KCTD16: variants seen among roughly 807,000 people sequenced by gnomAD.
KCTD16 encodes BTB/POZ domain-containing protein KCTD16.
A neutral mutation model predicts 33.2 loss-of-function variants in KCTD16; 13 were observed. The ratio of observed to expected loss-of-function variants is 0.39; its 90% CI spans 0.25 to 0.62. The LOEUF (loss-of-function observed/expected upper bound fraction) is 0.62, where lower values mean the gene tolerates loss of function less well. Ranked by LOEUF, KCTD16 falls within the 20% of genes least tolerant of loss-of-function variation. KCTD16 has a pLI of 0.50. For missense variants in KCTD16, 441 were observed against 525.1 expected (o/e 0.84, Z 1.57); for synonymous variants, 197 against 195.3 (o/e 1.01, Z -0.07).
intron 3 of KCTD16, among the ~76,000 whole-genome samples, chr5:144,211,713 C>T (rs1753398803): frequency 6.6e-6 from 1 of 152,082 alleles, no homozygotes; most frequent in Non-Finnish European, 1.5e-5. Flanking sequence ...GTAATAATTT[C>T]AATTTTTATT....
chr5:144,246,009 T>C (rs951315373), intron 3 of KCTD16, among the ~76,000 whole-genome samples: 3 of 152,158 alleles, frequency 2.0e-5, no homozygotes, highest in African/African-American at 7.2e-5. Context: ...ACAGGGCTTT[T>C]TGGGCTATGG....
At chr5:144,338,845 C>T (rs1210353090) in intron 3 of KCTD16, among the ~76,000 whole-genome samples, 1 of 152,100 alleles carries the variant, frequency 6.6e-6, no homozygotes, top group Non-Finnish European at 1.5e-5. Context: ...AGATTCATTG[C>T]AGTTATTCAG....
chr5:144,453,767 AG>A, intron 3 of KCTD16, among the ~76,000 whole-genome samples: 1 of 152,252 alleles, frequency 6.6e-6, no homozygotes, highest in Admixed American at 6.5e-5. Context: ...GACATAGAAG[AG>A]GGCTGCCTCC....
At chr5:144,374,123 A>G (rs1300428026) in intron 3 of KCTD16, among the ~76,000 whole-genome samples, 2 of 152,226 alleles carry the variant, frequency 1.3e-5, no homozygotes, top group Admixed American at 1.3e-4. Flanking sequence ...CTCTTTTGCT[A>G]TGTAAGGCAA....
intron 3 of KCTD16, among the ~76,000 whole-genome samples, chr5:144,455,262 C>A (rs555537673): frequency 4.6e-5 from 7 of 151,978 alleles, no homozygotes; most frequent in Admixed American, 4.6e-4. Flanking sequence ...TCCACATGGC[C>A]CCTTCTCTGT....
chr5:144,469,311 C>T (rs1281897817), intron 3 of KCTD16, among the ~76,000 whole-genome samples: 2 of 152,196 alleles, frequency 1.3e-5, no homozygotes, highest in African/African-American at 4.8e-5. Context: ...TGGTCACTCA[C>T]TCACCATTCC....
At chr5:144,223,649 T>G (rs952767602) in intron 3 of KCTD16, among the ~76,000 whole-genome samples, 4 of 144,122 alleles carry the variant, frequency 2.8e-5, no homozygotes, top group Non-Finnish European at 4.6e-5. Context: ...ACATTTTTTG[T>G]TTTTTTTTTT....
intron 3 of KCTD16, among the ~76,000 whole-genome samples, chr5:144,347,648 T>C (rs572294287): frequency 6.6e-6 from 1 of 152,138 alleles, no homozygotes; most frequent in South Asian, 2.1e-4. Flanking sequence ...GCCAGACTCA[T>C]GAGAAGCTGA....
At chr5:144,305,284 G>T (rs1751570460) in intron 3 of KCTD16, among the ~76,000 whole-genome samples, 1 of 152,114 alleles carries the variant, frequency 6.6e-6, no homozygotes, top group African/African-American at 2.4e-5. Context: ...ACCAGCAAAG[G>T]TTGTGTTATA....
intron 3 of KCTD16, among the ~76,000 whole-genome samples, chr5:144,299,130 ATATATATATATATATATAT>A (rs1397361118): frequency 4.1e-4 from 11 of 27,092 alleles, no homozygotes; most frequent in East Asian, 3.1e-3. Flanking sequence ...ATATATATAT[ATATATATATATATATATAT>A]TTTTTTTTTT....
At position 144,176,591 on chromosome 5, in the gene KCTD16, A is replaced by G. The variant is rs550010080; in HGVS notation, c.-327+2119A>G. Among the ~76,000 whole-genome samples the G allele has an allele frequency of 1.2e-3, 179 of 151,006 alleles. 1 individual carries two copies. Among genetic ancestry groups the G allele is most frequent in the Middle Eastern group, 6.8e-3 (2 of 292 alleles). ...CTAATTTTTTGTATTTTTAGTAGAG[A>G]CGGGGTTTCACCTTGTTAGCCAGGA... On this transcript the variant is annotated intron_variant, in intron 2 of 3. Transcript: ENST00000512467.
Position 144,206,390 on chromosome 5 carries a change from C to T in KCTD16, c.-325C>T, listed in dbSNP as rs941349446. The T allele has an allele frequency of 7.4e-5, 18 of 242,224 alleles. No homozygotes were observed. The highest frequency in any genetic ancestry group is 1.6e-4 in the South Asian group (1 of 6,450). 15.0% of individuals were successfully genotyped at this position (242,224 alleles called of 1,614,324 possible). A position where few individuals can be genotyped will look rare whatever the true frequency, so the allele number is the denominator to read the frequency against. Reference sequence around the variant, plus strand: ...ATAATTTTTTCTCTTTTCCTTCAGACGGACATCTGAGTAACTGGGGAATTG... The same window carrying T: ...ATAATTTTTTCTCTTTTCCTTCAGATGGACATCTGAGTAACTGGGGAATTG... On this transcript the variant is annotated splice_region_variant and 5_prime_UTR_variant, in exon 3 of 4. In the 5' UTR this introduces an upstream ATG that the reference lacks. Transcript: ENST00000512467.
At chr5:144,344,920 G>A (rs1752747471) in intron 3 of KCTD16, among the ~76,000 whole-genome samples, 1 of 151,544 alleles carries the variant, frequency 6.6e-6, no homozygotes, top group African/African-American at 2.4e-5. Flanking sequence ...GTTTATTGCG[G>A]CACTATTCAC....
chr5:144,246,929 G>A (rs902607693), intron 3 of KCTD16, among the ~76,000 whole-genome samples: 1 of 152,166 alleles, frequency 6.6e-6, no homozygotes, highest in South Asian at 2.1e-4. Context: ...TTGGCTCTCA[G>A]CAACACCTGT....
intron 3 of KCTD16, among the ~76,000 whole-genome samples, chr5:144,356,636 T>C (rs1198301262): frequency 4.6e-5 from 7 of 152,302 alleles, no homozygotes; most frequent in South Asian, 2.1e-4. Flanking sequence ...TTGCTAATGG[T>C]GATTCATTTA....
intron 2 of KCTD16, among the ~76,000 whole-genome samples, chr5:144,204,295 A>G (rs1286143647): frequency 1.3e-5 from 2 of 152,122 alleles, no homozygotes; most frequent in African/African-American, 4.8e-5. Flanking sequence ...CCTCACATAT[A>G]TTATTCATTG....
intron 3 of KCTD16, among the ~76,000 whole-genome samples, chr5:144,410,543 G>A (rs1040118598): frequency 3.3e-5 from 5 of 151,884 alleles, no homozygotes; most frequent in African/African-American, 1.2e-4. Flanking sequence ...TTTCAAACGT[G>A]CCAAGTTCCA....
intron 3 of KCTD16, among the ~76,000 whole-genome samples, chr5:144,432,673 CAG>C (rs932603237): frequency 2.0e-5 from 3 of 151,164 alleles, no homozygotes. Flanking sequence ...CAGGGAAAAA[CAG>C]AGTACTGATA....
chr5:144,253,660 C>A (rs976481415), intron 3 of KCTD16, among the ~76,000 whole-genome samples: 2 of 151,884 alleles, frequency 1.3e-5, no homozygotes, highest in African/African-American at 2.4e-5. Flanking sequence ...GTTTTGGGCA[C>A]CTTTCTGTAT....
Sources: allele counts gnomAD v4.1 joint callset (sites outside exome capture counted in the v4.1 genomes callset), GRCh38; gene constraint gnomAD v4.1.1; transcripts MANE v1.5; gene names NCBI Gene and HGNC (gene_info 2026-07-23, HGNC 2026-07-21).